LCA5: variants seen among roughly 807,000 people sequenced by gnomAD.
LCA5 encodes the protein lebercilin.
A neutral mutation model predicts 53.0 loss-of-function variants in LCA5; 37 were observed. That is an observed-to-expected ratio of 0.70 (90% CI 0.54 to 0.92). LCA5 has a LOEUF of 0.92. LCA5 is among the 40% of genes least tolerant of loss of function. The pLI is 0.00. For missense variants in LCA5, 806 were observed against 790.5 expected, an observed-to-expected ratio of 1.02 and a Z score of -0.23; for synonymous variants, 303 against 282.9, an observed-to-expected ratio of 1.07 and a Z score of -0.71.
intron 1 of LCA5, among the ~76,000 whole-genome samples, chr6:79,522,121 G>T (rs1257005407): frequency 6.6e-6 from 1 of 151,930 alleles, no homozygotes; most frequent in Admixed American, 6.6e-5. Context: ...AATCACACAT[G>T]CATCTTGCCT....
At chr6:79,508,013 T>C (rs1356750770) in intron 3 of LCA5, among the ~76,000 whole-genome samples, 1 of 152,178 alleles carries the variant, frequency 6.6e-6, no homozygotes, top group Non-Finnish European at 1.5e-5. Context: ...AAATATTAAA[T>C]TGAGGCTGAT....
At chr6:79,519,727 A>G (rs1766566071) in intron 1 of LCA5, among the ~76,000 whole-genome samples, 1 of 151,692 alleles carries the variant, frequency 6.6e-6, no homozygotes, top group Admixed American at 6.6e-5. Flanking sequence ...AAAAAAAAAA[A>G]AAAAAAGAAT....
At chr6:79,488,796 A>C in intron 7 of LCA5, 2 of 520,478 alleles carry the variant, frequency 3.8e-6, no homozygotes, top group Non-Finnish European at 6.7e-6. Flanking sequence ...TAGTAACTTT[A>C]GTAAGTGGCA....
At chr6:79,513,059 A>C (rs1766285545) in intron 3 of LCA5, 153 bp downstream of exon 3, 1 of 722,734 alleles carries the variant, frequency 1.4e-6, no homozygotes, top group African/African-American at 1.8e-5. Flanking sequence ...CTTCCTCTTA[A>C]ATATAAAATC....
chr6:79,489,088 C>G lies in LCA5; in HGVS notation c.1227G>C (p.Glu409Asp). Reference protein sequence around the residue: ...HVVKQEVEKLEDEWEREELDK... With the variant: ...HVVKQEVEKLDDEWEREELDK... ...TAAACAAACTCTTTTTCTTACCATC[C>G]TCCAGCTTTTCAACCTCCTGTTTTA... Residue 409 changes from glutamate to aspartate, a missense_variant, in exon 7 of 8, where the codon GAG becomes GAC. By Grantham distance (45) the Glu-to-Asp change is conservative. Coordinates refer to ENST00000369846, the MANE Select transcript of LCA5 (RefSeq NM_001122769.3). 6.2e-7 allele frequency: 1 copy of G among 1,613,092 alleles called. No individual in the cohort carries two copies. Among genetic ancestry groups the G allele is most frequent in the Non-Finnish European group, 8.5e-7 (1 of 1,179,742 alleles).
At chr6:79,526,315 G>A (rs1457358699) in intron 1 of LCA5, among the ~76,000 whole-genome samples, 2 of 152,048 alleles carry the variant, frequency 1.3e-5, no homozygotes, top group South Asian at 2.1e-4. Flanking sequence ...AGGCCGACGC[G>A]GGTGGATCAA....
At chr6:79,514,953 A>T (rs967528356) in intron 2 of LCA5, among the ~76,000 whole-genome samples, 2 of 151,884 alleles carry the variant, frequency 1.3e-5, no homozygotes, top group African/African-American at 4.8e-5. Context: ...CATACAACAA[A>T]CCCCCATAAC....
chr6:79,532,818 G>T (rs975906163), intron 1 of LCA5, among the ~76,000 whole-genome samples: 4 of 152,202 alleles, frequency 2.6e-5, no homozygotes, highest in Non-Finnish European at 4.4e-5. Context: ...TAAGACCCGT[G>T]AGACAGAACT....
At chr6:79,526,600 TATTA>T (rs1247928765) in intron 1 of LCA5, among the ~76,000 whole-genome samples, 1 of 151,964 alleles carries the variant, frequency 6.6e-6, no homozygotes, top group East Asian at 1.9e-4. Flanking sequence ...TGGTGAAAAA[TATTA>T]ATTCAGACAA....
chr6:79,495,578 C>G (rs971655874), intron 3 of LCA5, among the ~76,000 whole-genome samples: 1 of 151,744 alleles, frequency 6.6e-6, no homozygotes, highest in Non-Finnish European at 1.5e-5. Context: ...AGTGAAATCC[C>G]GTCTCTACTA....
At chr6:79,519,897 TA>T (rs1766577407) in intron 1 of LCA5, among the ~76,000 whole-genome samples, 1 of 151,800 alleles carries the variant, frequency 6.6e-6, no homozygotes, top group Admixed American at 6.6e-5. Flanking sequence ...TTGAGAAAAA[TA>T]TGAGGTAAAA....
rs78014632 is a variant in LCA5, at chr6:79,494,783, C to T, written c.721-1033G>A. 5.2e-4 allele frequency among the ~76,000 whole-genome samples: 79 copies of T among 152,220 alleles called. No individual in the cohort carries two copies. In the East Asian group the frequency reaches 0.014, roughly 27 times the overall value. ...TTCTGCTGTTCATTATTAGGGTGCT[C>T]CAATTTTTCCTAGAGTAAACATCCT... On this transcript the variant is annotated intron_variant, in intron 3 of 7. Transcript: ENST00000369846.
At chr6:79,534,205 T>C (rs1295800388) in intron 1 of LCA5, among the ~76,000 whole-genome samples, 1 of 151,724 alleles carries the variant, frequency 6.6e-6, no homozygotes, top group African/African-American at 2.4e-5. Flanking sequence ...TCAAACTATT[T>C]TTATTTAAAA....
chr6:79,513,880 T>C, intron 2 of LCA5, 139 bp from the exon 3 acceptor site: 2 of 783,494 alleles, frequency 2.6e-6, no homozygotes, highest in South Asian at 3.3e-5. Context: ...TTTAGTAAAG[T>C]ATCAAGTTTT....
intron 1 of LCA5, among the ~76,000 whole-genome samples, chr6:79,525,910 T>A (rs992374758): frequency 3.9e-4 from 59 of 152,150 alleles, no homozygotes; most frequent in African/African-American, 1.2e-3. Flanking sequence ...AAAGAACTAA[T>A]GTCTGTATTA....
At position 79,518,973 on chromosome 6, in the gene LCA5, AT is replaced by A; in HGVS notation, c.-80del. 1 of 1,272,464 alleles carries A rather than the reference AT, an allele frequency of 7.9e-7. No individual in the cohort carries two copies. The highest frequency in any genetic ancestry group is 1.5e-5 in the African/African-American group (1 of 68,414). 78.8% of individuals were successfully genotyped at this position (1,272,464 alleles called of 1,614,324 possible). On this transcript the variant is annotated 5_prime_UTR_variant, in exon 2 of 8. It adds an upstream start codon to the 5' untranslated region. Transcript: ENST00000369846. The stretch of plus-strand genomic sequence containing the variant: ...GGAGACTATGACAATACTGAAAAAC[AT>A]TTTCACAGTCTTCAGATCCTGATAA...
chr6:79,493,290 G>A lies in LCA5; in HGVS notation c.858+323C>T, dbSNP rs1769890924. On this transcript the variant is annotated intron_variant, in intron 4 of 7. Coordinates refer to ENST00000369846, the MANE Select transcript of LCA5 (RefSeq NM_001122769.3). ...AAAATAATAAATCATTGGGTGATCT[G>A]AGGAAAAACACTGAATTATTCAACC... 1.3e-5 allele frequency among the ~76,000 whole-genome samples: 2 copies of A among 152,140 alleles called. 1 individual carries two copies. Among genetic ancestry groups the A allele is most frequent in the South Asian group, 4.1e-4 (2 of 4,832 alleles).
chr6:79,515,522 C>T (rs893084224), intron 2 of LCA5, among the ~76,000 whole-genome samples: 8 of 151,976 alleles, frequency 5.3e-5, no homozygotes, highest in African/African-American at 1.7e-4. Context: ...TAGCCTTAAG[C>T]CTCAATATTC....
intron 1 of LCA5, among the ~76,000 whole-genome samples, chr6:79,523,710 A>T (rs1019346891): frequency 2.6e-5 from 4 of 152,134 alleles, no homozygotes; most frequent in African/African-American, 7.2e-5. Flanking sequence ...GCTTCCTAGG[A>T]ACTCCCTATC....
Sources: allele counts gnomAD v4.1 joint callset (sites outside exome capture counted in the v4.1 genomes callset), GRCh38; gene constraint gnomAD v4.1.1; transcripts MANE v1.5; gene names NCBI Gene and HGNC (gene_info 2026-07-23, HGNC 2026-07-21).